Variants in ADARB2 observed in about 807,000 individuals in gnomAD.
ADARB2 encodes the protein adenosine deaminase RNA specific B2 (inactive), also known as inactive double-stranded RNA-specific editase B2.
Under a neutral mutation model 62.2 loss-of-function variants are expected in ADARB2, and 25 were observed. That is an observed-to-expected ratio of 0.40 (90% CI 0.29 to 0.56). The LOEUF is 0.56. ADARB2 is among the 20% of genes least tolerant of loss of function. ADARB2 has a pLI of 0.43. For missense variants in ADARB2, 1,071 were observed against 1,077.4 expected (o/e 0.99, Z 0.08); for synonymous variants, 572 against 500.8 (o/e 1.14, Z -1.90).
intron 1 of ADARB2, among the ~76,000 whole-genome samples, chr10:1,638,050 GT>G (rs1403187738): frequency 6.6e-6 from 1 of 152,178 alleles, no homozygotes; most frequent in Non-Finnish European, 1.5e-5. Context: ...GCTCCAGGCT[GT>G]TTTCCACATG....
intron 1 of ADARB2, among the ~76,000 whole-genome samples, chr10:1,695,770 GTGTC>G (rs1834733252): frequency 6.6e-6 from 1 of 152,090 alleles, no homozygotes; most frequent in South Asian, 2.1e-4. Context: ...ATGTGTAGGT[GTGTC>G]TGTGCATACA....
intron 3 of ADARB2, among the ~76,000 whole-genome samples, chr10:1,335,281 T>G (rs1831963171): frequency 1.5e-5 from 1 of 65,798 alleles, no homozygotes; most frequent in Admixed American, 1.4e-4. Flanking sequence ...GAGGAAAGAA[T>G]GGAGGAATGG....
At chr10:1,228,455 C>G (rs1300028880) in intron 6 of ADARB2, among the ~76,000 whole-genome samples, 1 of 152,220 alleles carries the variant, frequency 6.6e-6, no homozygotes, top group Non-Finnish European at 1.5e-5. Flanking sequence ...CTCCCAGGGC[C>G]ACTAAAGGAC....
At chr10:1,711,408 A>G (rs1834947842) in intron 1 of ADARB2, among the ~76,000 whole-genome samples, 1 of 152,168 alleles carries the variant, frequency 6.6e-6, no homozygotes, top group Admixed American at 6.5e-5. Flanking sequence ...CCTGGCGGAG[A>G]CCAGCATGGA....
intron 5 of ADARB2, 50 bp downstream of exon 5, chr10:1,242,081 C>G (rs1397044273): frequency 1.3e-6 from 2 of 1,528,350 alleles, no homozygotes; most frequent in African/African-American, 1.4e-5. Flanking sequence ...TCCCTGGCAG[C>G]CCCCAGCCGC....
At chr10:1,511,540 G>C (rs999254146) in intron 1 of ADARB2, among the ~76,000 whole-genome samples, 11 of 152,110 alleles carry the variant, frequency 7.2e-5, no homozygotes, top group Non-Finnish European at 1.6e-4. Context: ...ACATCTGTGA[G>C]CCCGGTCTGA....
intron 1 of ADARB2, among the ~76,000 whole-genome samples, chr10:1,639,733 T>C (rs865898506): frequency 6.6e-5 from 10 of 152,032 alleles, no homozygotes; most frequent in South Asian, 4.2e-4. Context: ...TCCCAGCTAC[T>C]CAGGAGGCTG....
chr10:1,507,580 G>T (rs1473590127), intron 1 of ADARB2, among the ~76,000 whole-genome samples: 1 of 152,200 alleles, frequency 6.6e-6, no homozygotes, highest in Non-Finnish European at 1.5e-5. Flanking sequence ...CCCTCGACCA[G>T]GTGGCAGCTT....
chr10:1,474,414 G>A lies in ADARB2; in HGVS notation c.101-95254C>T, dbSNP rs374671453. 9.3e-4 allele frequency among the ~76,000 whole-genome samples: 141 copies of A among 152,304 alleles called. 2 individuals carry two copies. Among genetic ancestry groups the A allele is most frequent in the African/African-American group, 3.3e-3 (136 of 41,578 alleles). ...AGCAGGGGCAGCCCGGTCTACATTGGGGGTCAGTGGGTCTTCAGAAAGACT... is the reference window on the plus strand; with the variant it reads ...AGCAGGGGCAGCCCGGTCTACATTGAGGGTCAGTGGGTCTTCAGAAAGACT... On this transcript the variant is annotated intron_variant, in intron 1 of 9. Coordinates refer to ENST00000381312, the MANE Select transcript of ADARB2 (RefSeq NM_018702.4).
intron 1 of ADARB2, among the ~76,000 whole-genome samples, chr10:1,705,076 G>A (rs142516098): frequency 6.6e-6 from 1 of 152,112 alleles, no homozygotes; most frequent in Non-Finnish European, 1.5e-5. Flanking sequence ...AAAAAATAAA[G>A]AAACAAATGT....
intron 3 of ADARB2, among the ~76,000 whole-genome samples, chr10:1,306,039 G>A (rs921037390): frequency 1.3e-5 from 2 of 152,168 alleles, no homozygotes; most frequent in Non-Finnish European, 2.9e-5. Context: ...ATTCAACATA[G>A]TGTTGGAAGT....
At chr10:1,459,868 G>A (rs12416537) in intron 1 of ADARB2, among the ~76,000 whole-genome samples, 14,163 of 151,264 alleles carry the variant, frequency 0.094, 869 homozygotes, top group East Asian at 0.27. Context: ...GAAAAATAAC[G>A]AATGTGCATG....
chr10:1,206,203 G>A (rs771083937), intron 7 of ADARB2, among the ~76,000 whole-genome samples: 1 of 152,188 alleles, frequency 6.6e-6, no homozygotes, highest in Non-Finnish European at 1.5e-5. Context: ...AAATTCCTTC[G>A]CACGAGAGTG....
chr10:1,405,933 C>T (rs1314629261), intron 1 of ADARB2, among the ~76,000 whole-genome samples: 2 of 151,978 alleles, frequency 1.3e-5, no homozygotes, highest in Admixed American at 6.6e-5. Flanking sequence ...GTTTATTAAA[C>T]CCTTCGCCAA....
chr10:1,287,432 C>T (rs1831424305), intron 3 of ADARB2, among the ~76,000 whole-genome samples: 1 of 152,132 alleles, frequency 6.6e-6, no homozygotes, highest in Non-Finnish European at 1.5e-5. Flanking sequence ...ATACATGATA[C>T]ATTATCATTA....
chr10:1,367,689 T>G (rs950125958), intron 2 of ADARB2, among the ~76,000 whole-genome samples: 1 of 152,198 alleles, frequency 6.6e-6, no homozygotes, highest in African/African-American at 2.4e-5. Flanking sequence ...CCAGATTGCA[T>G]AGAGATTTGC....
intron 1 of ADARB2, among the ~76,000 whole-genome samples, chr10:1,411,299 G>A (rs181309909): frequency 7.7e-4 from 118 of 152,266 alleles, no homozygotes; most frequent in South Asian, 7.5e-3. Flanking sequence ...CCCTGGCTTC[G>A]GGGGAACACA....
intron 4 of ADARB2, among the ~76,000 whole-genome samples, chr10:1,245,465 C>G (rs1401915895): frequency 6.6e-6 from 1 of 151,724 alleles, no homozygotes; most frequent in Non-Finnish European, 1.5e-5. Context: ...TTAGGTATAT[C>G]TCCTAATGCT....
intron 1 of ADARB2, among the ~76,000 whole-genome samples, chr10:1,698,599 A>C (rs531196666): frequency 8.5e-5 from 13 of 152,228 alleles, no homozygotes; most frequent in Admixed American, 5.9e-4. Flanking sequence ...ATAGGAGTAA[A>C]AACTTGATGG....
Sources: gnomAD v4.1 joint callset for allele counts (sites outside exome capture counted in the v4.1 genomes callset) on GRCh38, gnomAD v4.1.1 for gene constraint, MANE v1.5 for transcripts, NCBI Gene and HGNC (gene_info 2026-07-23, HGNC 2026-07-21) for gene names.